CNTNAP5: variants seen among roughly 807,000 people sequenced by gnomAD.
The protein encoded by CNTNAP5 is contactin associated protein family member 5.
In CNTNAP5, 72 loss-of-function variants were observed where a neutral mutation model predicts 150.2. The ratio of observed to expected loss-of-function variants is 0.48; its 90% CI spans 0.40 to 0.58. The LOEUF (loss-of-function observed/expected upper bound fraction) is 0.58. Among genes scored for constraint, CNTNAP5 ranks in the 20% least tolerant of loss-of-function variants. CNTNAP5 has a pLI of 0.00. For synonymous variants in CNTNAP5, 672 were observed against 619.8 expected (o/e 1.08, Z -1.25); for missense variants, 1,636 against 1,626.2 (o/e 1.01, Z -0.10).
intron 3 of CNTNAP5, among the ~76,000 whole-genome samples, chr2:124,258,148 C>T (rs1242952270): frequency 6.6e-6 from 1 of 152,108 alleles, no homozygotes; most frequent in African/African-American, 2.4e-5. Context: ...GATGACTCTG[C>T]TGGGTGGCTA....
At chr2:124,175,821 AT>A (rs1425156143) in intron 1 of CNTNAP5, among the ~76,000 whole-genome samples, 2 of 152,066 alleles carry the variant, frequency 1.3e-5, no homozygotes, top group East Asian at 3.9e-4. Context: ...TTTGTAACAC[AT>A]TTTCTTTATG....
At chr2:124,123,437 C>T (rs1683615358) in intron 1 of CNTNAP5, among the ~76,000 whole-genome samples, 1 of 152,136 alleles carries the variant, frequency 6.6e-6, no homozygotes, top group South Asian at 2.1e-4. Context: ...CACCGCAGCT[C>T]AAGGAGGCCT....
At chr2:124,195,620 C>A (rs572235264) in intron 1 of CNTNAP5, among the ~76,000 whole-genome samples, 1 of 151,670 alleles carries the variant, frequency 6.6e-6, no homozygotes, top group Non-Finnish European at 1.5e-5. Context: ...ATATTAAATA[C>A]ACACACACAC....
chr2:124,887,809 T>G (rs1678111646), intron 21 of CNTNAP5, among the ~76,000 whole-genome samples: 1 of 152,060 alleles, frequency 6.6e-6, no homozygotes, highest in South Asian at 2.1e-4. Flanking sequence ...CCAGGCCCTG[T>G]AAAGTCAGGC....
chr2:124,239,382 G>A (rs2104763285), intron 2 of CNTNAP5, among the ~76,000 whole-genome samples: 1 of 152,238 alleles, frequency 6.6e-6, no homozygotes, highest in South Asian at 2.1e-4. Context: ...GTGAACTATT[G>A]AGGGTAAAAG....
intron 10 of CNTNAP5, among the ~76,000 whole-genome samples, chr2:124,543,593 A>T (rs1695439666): frequency 6.6e-6 from 1 of 152,186 alleles, no homozygotes; most frequent in African/African-American, 2.4e-5. Flanking sequence ...GAAGTTATTG[A>T]AGAAGAAAGG....
chr2:124,441,625 T>A (rs1020964338), intron 5 of CNTNAP5, among the ~76,000 whole-genome samples: 1 of 152,054 alleles, frequency 6.6e-6, no homozygotes, highest in African/African-American at 2.4e-5. Context: ...TTTATAAATA[T>A]CATTTTGATG....
intron 1 of CNTNAP5, among the ~76,000 whole-genome samples, chr2:124,156,103 CA>C (rs1205661933): frequency 2.6e-5 from 4 of 152,158 alleles, no homozygotes; most frequent in Non-Finnish European, 5.9e-5. Flanking sequence ...AAAACACAGA[CA>C]AATAGAGTTG....
At chr2:124,813,522 T>G (rs1351266406) in intron 19 of CNTNAP5, among the ~76,000 whole-genome samples, 1 of 148,066 alleles carries the variant, frequency 6.8e-6, no homozygotes, top group Admixed American at 6.8e-5. Context: ...TAGATCTATT[T>G]GGCCTTAAAA....
chr2:124,208,021 GA>G (rs1369913138), intron 1 of CNTNAP5, among the ~76,000 whole-genome samples: 1 of 152,128 alleles, frequency 6.6e-6, no homozygotes, highest in Non-Finnish European at 1.5e-5. Flanking sequence ...ATTTTACAAG[GA>G]AAAGTAGAGC....
rs539240335 is a variant in CNTNAP5, at chr2:124,832,919, C to CTTTTT, written c.3218-32380_3218-32376dup. ...TTTCTTTTTCTTTTTTTTTCTTTTC[C>CTTTTT]TTTTTTTTTTTGAGACAGGGTCTGC... On this transcript the variant is annotated intron_variant, in intron 19 of 23. Transcript: ENST00000682447. Among the ~76,000 whole-genome samples the CTTTTT allele has an allele frequency of 4.9e-5, 7 of 143,202 alleles. 2 individuals carry two copies. Among genetic ancestry groups the CTTTTT allele is most frequent in the African/African-American group, 1.8e-4 (7 of 38,728 alleles). 93.9% of individuals were successfully genotyped at this position (143,202 alleles called of 152,430 possible).
intron 3 of CNTNAP5, among the ~76,000 whole-genome samples, chr2:124,281,271 G>T (rs1328875572): frequency 6.6e-6 from 1 of 152,070 alleles, no homozygotes; most frequent in Non-Finnish European, 1.5e-5. Context: ...CCTCATTAGA[G>T]AAAATTGGTA....
At position 124,920,534 on chromosome 2, in the gene CNTNAP5, G is replaced by T. The variant is rs2104777541; in HGVS notation, c.*6246G>T. Among the ~76,000 whole-genome samples the T allele has an allele frequency of 6.6e-6, 1 of 152,232 alleles. No homozygotes were observed. Among genetic ancestry groups the T allele is most frequent in the East Asian group, 1.9e-4 (1 of 5,164 alleles). ...TTGCTTAAAGCAGCATAGTTACATT[G>T]AGAAAGAGACTGCCTTTAGTGAGGA... On this transcript the variant is annotated 3_prime_UTR_variant, in exon 24 of 24. Coordinates refer to ENST00000682447, the MANE Select transcript of CNTNAP5 (RefSeq NM_001367498.1).
chr2:124,891,899 G>C (rs964653906), intron 21 of CNTNAP5, among the ~76,000 whole-genome samples: 1 of 152,110 alleles, frequency 6.6e-6, no homozygotes, highest in Non-Finnish European at 1.5e-5. Flanking sequence ...AAAAGCAGAA[G>C]TCACAAGAGT....
chr2:124,374,902 C>T (rs1318767417), intron 3 of CNTNAP5, among the ~76,000 whole-genome samples: 1 of 151,820 alleles, frequency 6.6e-6, no homozygotes, highest in Non-Finnish European at 1.5e-5. Flanking sequence ...AGAAGTCAAG[C>T]TAATAAGAGC....
intron 21 of CNTNAP5, among the ~76,000 whole-genome samples, chr2:124,886,942 A>G (rs979294159): frequency 2.0e-5 from 3 of 151,956 alleles, no homozygotes; most frequent in African/African-American, 4.8e-5. Context: ...TCTCATTCTC[A>G]TTTGAAATAT....
chr2:124,287,455 C>T (rs534803049), intron 3 of CNTNAP5, among the ~76,000 whole-genome samples: 1 of 152,318 alleles, frequency 6.6e-6, no homozygotes, highest in Admixed American at 6.5e-5. Context: ...ATTGTCCCCT[C>T]TCTCAATTTA....
chr2:124,647,228 A>C (rs113775549), intron 12 of CNTNAP5, among the ~76,000 whole-genome samples: 3,222 of 152,324 alleles, frequency 0.021, 43 homozygotes, highest in Middle Eastern at 0.037. Context: ...TAAACAAAAC[A>C]AAACCCTACA....
chr2:124,352,345 C>T (rs765453401), intron 3 of CNTNAP5, among the ~76,000 whole-genome samples: 98 of 152,130 alleles, frequency 6.4e-4, no homozygotes, highest in Non-Finnish European at 4.7e-4. Context: ...ATCACACTAC[C>T]GTTTTATAGG....
Sources: gnomAD v4.1 joint callset for allele counts (sites outside exome capture counted in the v4.1 genomes callset) on GRCh38, gnomAD v4.1.1 for gene constraint, MANE v1.5 for transcripts, NCBI Gene and HGNC (gene_info 2026-07-23, HGNC 2026-07-21) for gene names.